Variants in MYO15B observed in about 807,000 individuals in gnomAD.
MYO15B encodes myosin XVB.
Under a neutral mutation model 119.3 loss-of-function variants are expected in MYO15B, and 207 were observed. The observed-to-expected ratio is 1.73, with a 90% CI of 1.55 to 1.95. The LOEUF is 1.95. Among genes scored for constraint, MYO15B ranks in the 30% most tolerant of loss-of-function variants. The probability of loss-of-function intolerance (pLI) is 0.00; values close to 1 mark genes in which losing one functional copy is unlikely to be tolerated. For synonymous variants in MYO15B, 966 were observed against 498.9 expected (o/e 1.94, Z -12.48); for missense variants, 2,264 against 1,203.1 (o/e 1.88, Z -13.04).
At chr17:75,625,299 A>T (rs2058972891) in intron 60 of MYO15B, 61 bp downstream of exon 60, 1 of 654,408 alleles carries the variant, frequency 1.5e-6, no homozygotes, top group East Asian at 2.7e-5. Context: ...AGGCCATTTG[A>T]CTGGTACCCT....
At chr17:75,602,302 G>A (rs1250762130) in intron 15 of MYO15B, 1 of 680,006 alleles carries the variant, frequency 1.5e-6, no homozygotes, top group Non-Finnish European at 2.7e-6. Flanking sequence ...AGTGGGGAGA[G>A]TGTGGTCTTG....
chr17:75,623,033 G>A (rs148697412), intron 53 of MYO15B, among the ~76,000 whole-genome samples: 104 of 142,176 alleles, frequency 7.3e-4, no homozygotes, highest in African/African-American at 2.4e-3. Context: ...AGATGAGTAA[G>A]AGATCAGAGA....
chr17:75,615,047 G>A lies in MYO15B; in HGVS notation c.5641+5G>A, dbSNP rs1392743749. On this transcript the variant is annotated splice_donor_5th_base_variant and intron_variant, in intron 33 of 63. Transcript: ENST00000645453. ...CACAGCAGGGCTACCCCATGGGTGA[G>A]TGAGGGGCTGATTCCTCACCCAGGG... is the stretch of plus-strand genomic sequence containing the variant. 1 of 702,240 alleles carries A rather than the reference G, an allele frequency of 1.4e-6. No individual in the cohort carries two copies. Among genetic ancestry groups the A allele is most frequent in the Non-Finnish European group, 2.6e-6 (1 of 384,486 alleles). The allele number at this position is 702,240 out of a possible 1,614,324, so 43.5% of individuals were successfully genotyped here.
At chr17:75,587,961 G>C in exon 1 of MYO15B, 1 of 396,998 alleles carries the variant, frequency 2.5e-6, no homozygotes, top group Admixed American at 4.4e-5. Context: ...GAGCAGAGCC[G>C]GGTGGTGCAC....
chr17:75,623,998 T>C (rs1215307847), exon 55 of MYO15B: 7 of 702,878 alleles, frequency 1.0e-5, no homozygotes, highest in Admixed American at 6.0e-5. Context: ...CACAGGCTTC[T>C]TCCCCCCGTC....
chr17:75,617,985 G>C (rs774116449), intron 42 of MYO15B, 63 bp downstream of exon 42: 5 of 694,072 alleles, frequency 7.2e-6, no homozygotes, highest in Non-Finnish European at 1.3e-5. Flanking sequence ...GGCAGGCTTT[G>C]TGCATCCCAG....
intron 14 of MYO15B, among the ~76,000 whole-genome samples, chr17:75,599,308 G>A (rs1411792474): frequency 2.7e-5 from 4 of 149,008 alleles, no homozygotes; most frequent in African/African-American, 7.6e-5. Context: ...ACAGAGTCTC[G>A]CTGTTGCCCA....
chr17:75,605,776 G>T, intron 20 of MYO15B, 88 bp from the exon 21 acceptor site: 1 of 648,078 alleles, frequency 1.5e-6, no homozygotes, highest in Non-Finnish European at 2.8e-6. Context: ...AAATGGTTTG[G>T]CTGGAAGGGA....
chr17:75,588,013 G>A (rs987522350), exon 1 of MYO15B: 2 of 398,230 alleles, frequency 5.0e-6, no homozygotes, highest in Non-Finnish European at 8.9e-6. Context: ...CCCGGGGAGG[G>A]GAAAGGACCT....
At position 75,602,768 on chromosome 17, in the gene MYO15B, C is replaced by T. The variant is rs762112753; in HGVS notation, c.3730-62C>T. ...GAGGGCTGGTCCATTCTGGCTCTCC[C>T]GGGCTGCAGGGTGGATGGGCACGCC... On this transcript the variant is annotated intron_variant, in intron 16 of 63. Transcript: ENST00000645453. 9.4e-5 allele frequency: 57 copies of T among 604,748 alleles called. 1 individual carries two copies. The highest frequency in any genetic ancestry group is 6.2e-4 in the South Asian group (32 of 51,396). The allele number at this position is 604,748 out of a possible 1,614,324, so 37.5% of individuals were successfully genotyped here. A position where few individuals can be genotyped will look rare whatever the true frequency, so the allele number is the denominator to read the frequency against.
Position 75,591,822 on chromosome 17 carries a change from G to C in MYO15B, c.2547+110G>C, listed in dbSNP as rs114737951. 3,506 of 683,526 alleles carry C rather than the reference G, an allele frequency of 5.1e-3. 88 individuals are homozygous for C. The African/African-American group carries it at 0.054, about 11-fold the overall frequency. The allele number at this position is 683,526 out of a possible 1,614,324, so 42.3% of individuals were successfully genotyped here. A position where few individuals can be genotyped will look rare whatever the true frequency, so the allele number is the denominator to read the frequency against. ...ATCTTTCTCCTTTCAGCCAGGAGAG[G>C]GGTGGTCTCCAGGCCTCTGGCGTCT... On this transcript the variant is annotated intron_variant, in intron 5 of 63. Coordinates refer to ENST00000645453, the Ensembl canonical transcript of MYO15B.
chr17:75,609,485 A>ATTTTTTTT (rs749247022), intron 21 of MYO15B, among the ~76,000 whole-genome samples: 6 of 78,002 alleles, frequency 7.7e-5, no homozygotes, highest in Non-Finnish European at 1.2e-4. Flanking sequence ...AAGGGAAATG[A>ATTTTTTTT]TTTTTTTTTT....
At chr17:75,617,356 G>T in intron 41 of MYO15B, 52 bp downstream of exon 41, 1 of 589,450 alleles carries the variant, frequency 1.7e-6, no homozygotes. Flanking sequence ...GCAGAGGCAG[G>T]GTTCGCACAG....
At chr17:75,591,244 G>C (rs1343615637) in exon 4 of MYO15B, 3 of 702,788 alleles carry the variant, frequency 4.3e-6, no homozygotes, top group Non-Finnish European at 7.8e-6. Flanking sequence ...GCATCCTCCT[G>C]TGGTGAGTGG....
chr17:75,622,291 T>C (rs75625838), intron 53 of MYO15B, among the ~76,000 whole-genome samples: 8,823 of 152,224 alleles, frequency 0.058, 347 homozygotes, highest in Non-Finnish European at 0.085. Flanking sequence ...GAGTGAGAGG[T>C]CACTGGAGAG....
intron 19 of MYO15B, among the ~76,000 whole-genome samples, chr17:75,604,137 G>GA (rs1423596260): frequency 6.6e-6 from 1 of 152,146 alleles, no homozygotes; most frequent in Non-Finnish European, 1.5e-5. Flanking sequence ...CAGATCCTGA[G>GA]AAGCTCCAGG....
intron 52 of MYO15B, 94 bp from the exon 53 acceptor site, chr17:75,621,910 A>G (rs2058732702): frequency 4.6e-6 from 3 of 656,664 alleles, no homozygotes; most frequent in Non-Finnish European, 8.4e-6. Context: ...GAGGCATCAG[A>G]TGGCAGGTGA....
chr17:75,605,246 G>A (rs2057555596), intron 19 of MYO15B, among the ~76,000 whole-genome samples: 1 of 151,980 alleles, frequency 6.6e-6, no homozygotes, highest in Non-Finnish European at 1.5e-5. Flanking sequence ...GACCATCCTG[G>A]CTAACACGGT....
At chr17:75,626,279 G>T in intron 63 of MYO15B, 51 bp downstream of exon 63, 1 of 699,606 alleles carries the variant, frequency 1.4e-6, no homozygotes, top group Non-Finnish European at 2.6e-6. Flanking sequence ...TGAGGGCCTT[G>T]CCCCAGCATG....
Sources: gnomAD v4.1 joint callset for allele counts (sites outside exome capture counted in the v4.1 genomes callset) on GRCh38, gnomAD v4.1.1 for gene constraint, MANE v1.5 for transcripts, NCBI Gene and HGNC (gene_info 2026-07-23, HGNC 2026-07-21) for gene names.